Variants in RTN4 observed in about 807,000 individuals in gnomAD.
The protein encoded by RTN4 is reticulon-4.
In RTN4, 32 loss-of-function variants were observed where a neutral mutation model predicts 90.4. The observed-to-expected ratio is 0.35, with a 90% CI of 0.27 to 0.48. The LOEUF (loss-of-function observed/expected upper bound fraction) is 0.48. Among genes scored for constraint, RTN4 ranks in the 20% least tolerant of loss-of-function variants. The pLI, the probability that RTN4 is intolerant of heterozygous loss-of-function variation, is 0.99. For missense variants in RTN4, 1,706 were observed against 1,430.2 expected, an observed-to-expected ratio of 1.19 and a Z score of -3.11; for synonymous variants, 629 against 552.5, an observed-to-expected ratio of 1.14 and a Z score of -1.94.
the RTN4 span, among the ~76,000 whole-genome samples, chr2:55,122,220 C>G: frequency 1.3e-5 from 2 of 152,300 alleles, no homozygotes; most frequent in East Asian, 1.9e-4. Flanking sequence ...CTCAAGCAAT[C>G]CACCTGCCTC....
At chr2:54,984,345 A>G (rs1678380215) in intron 4 of RTN4, among the ~76,000 whole-genome samples, 1 of 152,262 alleles carries the variant, frequency 6.6e-6, no homozygotes, top group East Asian at 1.9e-4. Flanking sequence ...TTACTAATAC[A>G]TGGTCTAACA....
chr2:55,111,203 A>C (rs1426142674), intron 1 of RTN4, among the ~76,000 whole-genome samples: 1 of 152,212 alleles, frequency 6.6e-6, no homozygotes, highest in Non-Finnish European at 1.5e-5. Context: ...TTTATTTTCC[A>C]ATAATTCTTG....
At chr2:55,009,372 T>C (rs1196908117) in intron 3 of RTN4, among the ~76,000 whole-genome samples, 1 of 152,150 alleles carries the variant, frequency 6.6e-6, no homozygotes, top group African/African-American at 2.4e-5. Context: ...TCTTTAAATA[T>C]TCTAGTCAAC....
chr2:54,974,943 C>G (rs564213942), intron 5 of RTN4, among the ~76,000 whole-genome samples, 179 bp from the exon 6 acceptor site: 1 of 152,270 alleles, frequency 6.6e-6, no homozygotes, highest in South Asian at 2.1e-4. Context: ...ATTTCAAAAT[C>G]CTAAAATAAT....
intron 1 of RTN4, among the ~76,000 whole-genome samples, chr2:55,096,498 A>T (rs1166961486): frequency 2.0e-5 from 3 of 151,778 alleles, no homozygotes; most frequent in Non-Finnish European, 4.4e-5. Flanking sequence ...CCCAGAACCC[A>T]CTCCTCATCA....
chr2:55,111,956 C>G (rs1269072346), intron 1 of RTN4, among the ~76,000 whole-genome samples: 1 of 152,208 alleles, frequency 6.6e-6, no homozygotes, highest in Non-Finnish European at 1.5e-5. Flanking sequence ...CTCAAAACTG[C>G]TTCAACCACC....
intron 3 of RTN4, among the ~76,000 whole-genome samples, chr2:54,998,828 T>A (rs991335078): frequency 2.6e-5 from 4 of 152,192 alleles, no homozygotes; most frequent in Non-Finnish European, 5.9e-5. Context: ...ACTTTAGTGG[T>A]TCCTTATTTT....
At chr2:55,000,934 T>C (rs1679809297) in intron 3 of RTN4, among the ~76,000 whole-genome samples, 3 of 152,246 alleles carry the variant, frequency 2.0e-5, no homozygotes, top group African/African-American at 7.2e-5. Flanking sequence ...TTTGTTTAAA[T>C]TGTTTTCTAG....
chr2:55,053,466 C>T (rs954963387), upstream of RTN4, among the ~76,000 whole-genome samples: 1 of 152,040 alleles, frequency 6.6e-6, no homozygotes, highest in African/African-American at 2.4e-5. Context: ...GCGGGTAGAT[C>T]TCTTGAGGTC....
chr2:55,135,443 G>A, the RTN4 span, among the ~76,000 whole-genome samples: 2 of 152,192 alleles, frequency 1.3e-5, no homozygotes, highest in Non-Finnish European at 1.5e-5. Flanking sequence ...CTGGTCTCAA[G>A]TGATCTGCCC....
intron 1 of RTN4, among the ~76,000 whole-genome samples, chr2:55,104,145 G>C (rs2105059636): frequency 6.6e-6 from 1 of 152,000 alleles, no homozygotes; most frequent in South Asian, 2.1e-4. Context: ...CCACCTTCTG[G>C]GTTCAAGCGA....
At chr2:55,118,321 C>T in the RTN4 span, among the ~76,000 whole-genome samples, 1 of 152,024 alleles carries the variant, frequency 6.6e-6, no homozygotes, top group South Asian at 2.1e-4. Flanking sequence ...AAAAATTAGC[C>T]AGGAGAAGTG....
intron 1 of RTN4, among the ~76,000 whole-genome samples, chr2:55,093,924 A>G (rs1668986763): frequency 6.6e-6 from 1 of 152,202 alleles, no homozygotes; most frequent in African/African-American, 2.4e-5. Context: ...CTTTTATTCT[A>G]TTTATAAATG....
intron 1 of RTN4, among the ~76,000 whole-genome samples, chr2:55,098,938 C>T (rs1667802383): frequency 6.6e-6 from 1 of 152,088 alleles, no homozygotes; most frequent in Non-Finnish European, 1.5e-5. Flanking sequence ...TTGAATTTGC[C>T]TTTTTGGCAA....
upstream of RTN4, among the ~76,000 whole-genome samples, chr2:55,051,049 A>C (rs1668077825): frequency 6.6e-6 from 1 of 152,236 alleles, no homozygotes. Context: ...TGTTCACTCA[A>C]AGTTCCAAAC....
upstream of RTN4, among the ~76,000 whole-genome samples, chr2:55,115,851 C>G (rs1668115240): frequency 6.6e-6 from 1 of 152,190 alleles, no homozygotes; most frequent in South Asian, 2.1e-4. Context: ...CCCCACAGTT[C>G]CTTTATGCCA....
At chr2:55,082,481 G>C (rs1668740389) in intron 1 of RTN4, among the ~76,000 whole-genome samples, 1 of 152,104 alleles carries the variant, frequency 6.6e-6, no homozygotes, top group Non-Finnish European at 1.5e-5. Flanking sequence ...CTTGGCGACT[G>C]GCCCAATTTC....
chr2:55,088,938 T>C (rs527948181), intron 1 of RTN4, among the ~76,000 whole-genome samples: 1 of 152,220 alleles, frequency 6.6e-6, no homozygotes, highest in South Asian at 2.1e-4. Context: ...TATTTATTTA[T>C]TTATTTATTT....
intron 1 of RTN4, among the ~76,000 whole-genome samples, chr2:55,095,669 G>T (rs1234333602): frequency 1.3e-5 from 2 of 152,164 alleles, no homozygotes; most frequent in East Asian, 3.9e-4. Flanking sequence ...CCCCTAAATA[G>T]CTGGGACTAT....
Sources: allele counts gnomAD v4.1 joint callset (sites outside exome capture counted in the v4.1 genomes callset), GRCh38; gene constraint gnomAD v4.1.1; transcripts MANE v1.5; gene names NCBI Gene and HGNC (gene_info 2026-07-23, HGNC 2026-07-21).